SENP7: variants seen among roughly 807,000 people sequenced by gnomAD.
SENP7 encodes the protein SUMO specific peptidase 7.
In SENP7, 64 loss-of-function variants were observed where a neutral mutation model predicts 141.2. The observed-to-expected ratio is 0.45, with a 90% confidence interval of 0.37 to 0.56. The LOEUF (loss-of-function observed/expected upper bound fraction) is 0.56, where lower values mean the gene tolerates loss of function less well. SENP7 is among the 20% of genes least tolerant of loss of function. The pLI is 0.00. For synonymous variants in SENP7, 382 were observed against 426.4 expected, an observed-to-expected ratio of 0.90 and a Z score of 1.28; for missense variants, 1,025 against 1,212.2, an observed-to-expected ratio of 0.85 and a Z score of 2.29.
intron 3 of SENP7, among the ~76,000 whole-genome samples, chr3:101,463,366 T>TAAATATATAC (rs796724812): frequency 1.6e-5 from 1 of 62,364 alleles, no homozygotes. Context: ...AATAAATAAA[T>TAAATATATAC]ATATATATAT....
intron 4 of SENP7, among the ~76,000 whole-genome samples, chr3:101,433,343 G>GA (rs34051405): frequency 2.8e-4 from 39 of 139,304 alleles, no homozygotes; most frequent in South Asian, 4.5e-4. Flanking sequence ...AAAAAAAAAG[G>GA]AAAAAAAAAA....
intron 14 of SENP7, among the ~76,000 whole-genome samples, chr3:101,342,054 CA>C (rs1025688247): frequency 1.3e-5 from 2 of 151,430 alleles, no homozygotes; most frequent in Non-Finnish European, 2.9e-5. Context: ...TCAAAATAAT[CA>C]AAAAATGTAA....
At chr3:101,482,589 G>C (rs896046061) in intron 3 of SENP7, among the ~76,000 whole-genome samples, 1 of 152,118 alleles carries the variant, frequency 6.6e-6, no homozygotes, top group African/African-American at 2.4e-5. Flanking sequence ...AGAAGCAAAC[G>C]ACTAGGCATA....
chr3:101,369,108 A>C (rs1326175408), intron 7 of SENP7, among the ~76,000 whole-genome samples: 1 of 152,196 alleles, frequency 6.6e-6, no homozygotes, highest in Non-Finnish European at 1.5e-5. Flanking sequence ...ATCATTACTA[A>C]AAATATTTAA....
At chr3:101,420,736 G>C (rs538329267) in intron 4 of SENP7, among the ~76,000 whole-genome samples, 1 of 152,202 alleles carries the variant, frequency 6.6e-6, no homozygotes, top group East Asian at 1.9e-4. Context: ...AAATATTCCT[G>C]CCAAAAATGT....
intron 4 of SENP7, among the ~76,000 whole-genome samples, chr3:101,441,406 C>T (rs2062666633): frequency 6.6e-6 from 1 of 152,052 alleles, no homozygotes; most frequent in African/African-American, 2.4e-5. Context: ...AAAGAACAGG[C>T]CCACCCAATC....
At chr3:101,509,237 T>G (rs939969775) in intron 1 of SENP7, among the ~76,000 whole-genome samples, 60 of 152,110 alleles carry the variant, frequency 3.9e-4, no homozygotes, top group African/African-American at 1.4e-3. Flanking sequence ...TCAAGCTTGT[T>G]CTAGAAATAT....
chr3:101,481,073 C>T (rs1161869742), intron 3 of SENP7, among the ~76,000 whole-genome samples: 1 of 142,250 alleles, frequency 7.0e-6, no homozygotes, highest in Non-Finnish European at 1.5e-5. Context: ...ATGGAGATTT[C>T]CCCAAAAAAA....
chr3:101,363,348 T>G (rs1288367406), intron 10 of SENP7, among the ~76,000 whole-genome samples: 2 of 152,308 alleles, frequency 1.3e-5, no homozygotes, highest in East Asian at 3.9e-4. Context: ...AAAAACTAGC[T>G]GGCTCCTAAA....
At chr3:101,396,089 T>C (rs533014346) in intron 6 of SENP7, among the ~76,000 whole-genome samples, 2 of 152,336 alleles carry the variant, frequency 1.3e-5, no homozygotes, top group South Asian at 4.1e-4. Flanking sequence ...TCCAGATGTC[T>C]GGCTCCAAAG....
chr3:101,459,008 T>C lies in SENP7; in HGVS notation c.231A>G (p.Lys77=), dbSNP rs1204366198. ...GACACCCTCGGATATGTTTTTTATT[T>C]TTATGGTCTAGAGAGATGACTTTAT... The part of the protein sequence containing the change: ...LRNKVISLDH[K]NKKHIRGCPV... The change falls in exon 4 of 24, where the codon AAA becomes AAG. Residue 77 remains lysine, a synonymous_variant. Coordinates refer to ENST00000394095, the MANE Select transcript of SENP7 (RefSeq NM_020654.5). 7 of 1,610,242 alleles carry C rather than the reference T, an allele frequency of 4.3e-6. No homozygotes were observed. Among genetic ancestry groups the C allele is most frequent in the Non-Finnish European group, 5.9e-6 (7 of 1,177,536 alleles).
rs1227455469 is a variant in SENP7, at chr3:101,405,975, C to T, written c.483-6920G>A. ...AAGAATAATAGGTGTTCCTCTTTTA[C>T]ACTGTTGGTGGGACTGTAAACTAGT... On this transcript the variant is annotated intron_variant, in intron 5 of 23. Coordinates refer to ENST00000394095, the MANE Select transcript of SENP7 (RefSeq NM_020654.5). Among the ~76,000 whole-genome samples the T allele has an allele frequency of 3.3e-5, 5 of 152,122 alleles. No individual in the cohort carries two copies. The South Asian group carries it at 8.3e-4, about 25-fold the overall frequency.
At chr3:101,426,411 T>A (rs1016705148) in intron 4 of SENP7, among the ~76,000 whole-genome samples, 1 of 151,942 alleles carries the variant, frequency 6.6e-6, no homozygotes, top group Non-Finnish European at 1.5e-5. Flanking sequence ...TCAATGTTCT[T>A]AAAGAAAATA....
At chr3:101,420,772 G>A (rs1177712060) in intron 4 of SENP7, among the ~76,000 whole-genome samples, 8 of 152,080 alleles carry the variant, frequency 5.3e-5, no homozygotes, top group Non-Finnish European at 8.8e-5. Flanking sequence ...ATATGGGCAA[G>A]ACCAATAAAA....
chr3:101,462,559 A>T (rs1218305109), intron 3 of SENP7, among the ~76,000 whole-genome samples: 1 of 150,864 alleles, frequency 6.6e-6, no homozygotes, highest in African/African-American at 2.4e-5. Context: ...AAAAAGAAAG[A>T]AAGAAAAGAA....
rs72944109 is a variant in SENP7, at chr3:101,478,858, C to G, written c.186+15015G>C. ...CTTTAAAAAGATAATACACCATAAT[C>G]TAAGTGAGATTGTATTCAGAGATGC... On this transcript the variant is annotated intron_variant, in intron 3 of 23. Coordinates refer to ENST00000394095, the MANE Select transcript of SENP7 (RefSeq NM_020654.5). Among the ~76,000 whole-genome samples the G allele has an allele frequency of 2.4e-3, 365 of 152,208 alleles. 1 individual carries two copies. The highest frequency in any genetic ancestry group is 8.2e-3 in the African/African-American group (341 of 41,540).
At chr3:101,435,730 G>T (rs2062362294) in intron 4 of SENP7, among the ~76,000 whole-genome samples, 1 of 151,862 alleles carries the variant, frequency 6.6e-6, no homozygotes, top group Non-Finnish European at 1.5e-5. Context: ...AGAAGGGAAA[G>T]ATCTCTACAA....
chr3:101,357,540 T>A, intron 11 of SENP7: 4 of 1,417,446 alleles, frequency 2.8e-6, no homozygotes, highest in African/African-American at 1.4e-5. Flanking sequence ...TTCCAAAAAG[T>A]GATACTGAGA....
intron 10 of SENP7, among the ~76,000 whole-genome samples, chr3:101,363,360 A>C (rs1447109361): frequency 6.6e-6 from 1 of 152,232 alleles, no homozygotes. Flanking sequence ...GCTCCTAAAA[A>C]TGACCAATCC....
Sources: allele counts gnomAD v4.1 joint callset (sites outside exome capture counted in the v4.1 genomes callset), GRCh38; gene constraint gnomAD v4.1.1; transcripts MANE v1.5; gene names NCBI Gene and HGNC (gene_info 2026-07-23, HGNC 2026-07-21).